ABCA13: variants seen among roughly 807,000 people sequenced by gnomAD.
The protein encoded by ABCA13 is ATP-binding cassette sub-family A member 13.
ABCA13 carries 476 observed loss-of-function variants against 478.7 expected under a neutral mutation model. That is an observed-to-expected ratio of 0.99 (90% CI 0.92 to 1.07). ABCA13 has a LOEUF of 1.07. Ranked by LOEUF, ABCA13 falls within the 50% of genes least tolerant of loss-of-function variation. The pLI, the probability that ABCA13 is intolerant of heterozygous loss-of-function variation, is 0.00. For missense variants in ABCA13, 6,060 were observed against 5,910.6 expected, an observed-to-expected ratio of 1.03 and a Z score of -0.83; for synonymous variants, 2,252 against 2,158.9, an observed-to-expected ratio of 1.04 and a Z score of -1.20.
At chr7:48,335,320 A>G in intron 27 of ABCA13, 102 bp from the exon 28 acceptor site, 1 of 733,328 alleles carries the variant, frequency 1.4e-6, no homozygotes, top group East Asian at 3.0e-5. Flanking sequence ...CTGCAGGCAG[A>G]TCTTTGCTCT....
chr7:48,433,066 T>C (rs778495872), intron 42 of ABCA13, among the ~76,000 whole-genome samples: 3 of 152,008 alleles, frequency 2.0e-5, no homozygotes, highest in Non-Finnish European at 4.4e-5. Flanking sequence ...TTGTATATGA[T>C]AAATATAATT....
intron 56 of ABCA13, among the ~76,000 whole-genome samples, chr7:48,580,824 A>AT (rs146737118): frequency 4.5e-4 from 69 of 152,036 alleles, no homozygotes; most frequent in African/African-American, 1.6e-3. Flanking sequence ...GGGCGGACAG[A>AT]TTCCTCCTGC....
intron 31 of ABCA13, among the ~76,000 whole-genome samples, chr7:48,357,112 G>A (rs1387804074): frequency 6.6e-6 from 1 of 151,802 alleles, no homozygotes; most frequent in African/African-American, 2.4e-5. Context: ...TGTGTCTTGG[G>A]CAAAGTGGAG....
intron 18 of ABCA13, among the ~76,000 whole-genome samples, chr7:48,280,171 CA>C (rs1796844427): frequency 2.6e-5 from 4 of 152,166 alleles, no homozygotes; most frequent in Admixed American, 6.5e-5. Context: ...ATTTTATTCT[CA>C]GAAGCAAAAA....
chr7:48,513,099 T>C (rs4917159), intron 51 of ABCA13, among the ~76,000 whole-genome samples: 73,527 of 152,072 alleles, frequency 0.48, 20,298 homozygotes, highest in African/African-American at 0.76. Flanking sequence ...TCTGGGGAAC[T>C]GCTGTCTCCT....
intron 55 of ABCA13, among the ~76,000 whole-genome samples, chr7:48,563,271 A>G (rs1786658905): frequency 6.6e-6 from 1 of 152,168 alleles, no homozygotes; most frequent in Non-Finnish European, 1.5e-5. Context: ...TCTTCAGCAC[A>G]TTCTTTCCAA....
At chr7:48,570,898 C>G (rs1181234258) in intron 55 of ABCA13, among the ~76,000 whole-genome samples, 3 of 152,024 alleles carry the variant, frequency 2.0e-5, no homozygotes, top group Non-Finnish European at 4.4e-5. Context: ...TTACTGCCAT[C>G]TTTTGTGCTA....
intron 18 of ABCA13, 63 bp downstream of exon 18, chr7:48,279,983 A>G: frequency 1.4e-6 from 2 of 1,423,182 alleles, no homozygotes; most frequent in South Asian, 1.8e-5. Flanking sequence ...AAATAGAACC[A>G]TGCAGGAATT....
chr7:48,363,405 A>G (rs1811188414), intron 31 of ABCA13, among the ~76,000 whole-genome samples: 2 of 152,176 alleles, frequency 1.3e-5, no homozygotes, highest in African/African-American at 4.8e-5. Flanking sequence ...AAATTTTATA[A>G]GAGTATGTTT....
intron 29 of ABCA13, 53 bp from the exon 30 acceptor site, chr7:48,350,590 A>C (rs1364612898): frequency 1.4e-6 from 2 of 1,463,032 alleles, no homozygotes; most frequent in African/African-American, 2.8e-5. Context: ...ATGAGTGGTA[A>C]GCACTGGGGG....
intron 39 of ABCA13, chr7:48,404,316 T>A (rs1027721322): frequency 4.5e-6 from 1 of 220,684 alleles, no homozygotes. Context: ...GTTGAACCTC[T>A]TGTCCATGTT....
At chr7:48,473,658 C>T (rs1827764657) in intron 45 of ABCA13, among the ~76,000 whole-genome samples, 1 of 152,262 alleles carries the variant, frequency 6.6e-6, no homozygotes, top group South Asian at 2.1e-4. Context: ...GGTGGTGGCA[C>T]TCAGCCTAGG....
chr7:48,196,597 GC>G (rs973188139), intron 2 of ABCA13, among the ~76,000 whole-genome samples: 1 of 152,116 alleles, frequency 6.6e-6, no homozygotes, highest in Non-Finnish European at 1.5e-5. Flanking sequence ...ACTAAAAAAT[GC>G]CCATCCCCCT....
chr7:48,246,461 G>A (rs569799235), intron 13 of ABCA13, among the ~76,000 whole-genome samples: 21 of 152,286 alleles, frequency 1.4e-4, no homozygotes, highest in Admixed American at 2.6e-4. Flanking sequence ...CCCCTGTTCA[G>A]CGCTCAAGTG....
intron 3 of ABCA13, among the ~76,000 whole-genome samples, chr7:48,213,861 C>T (rs1403121887): frequency 6.6e-6 from 1 of 152,172 alleles, no homozygotes; most frequent in Non-Finnish European, 1.5e-5. Context: ...ACTCCTCATT[C>T]ATTAGTTTTA....
chr7:48,479,900 C>A (rs1828579658), intron 45 of ABCA13, among the ~76,000 whole-genome samples: 1 of 152,178 alleles, frequency 6.6e-6, no homozygotes, highest in South Asian at 2.1e-4. Context: ...TTTAGGTAAG[C>A]CTGTTTTCAT....
chr7:48,483,854 T>C (rs2130589147), intron 47 of ABCA13, among the ~76,000 whole-genome samples: 1 of 152,276 alleles, frequency 6.6e-6, no homozygotes, highest in South Asian at 2.1e-4. Flanking sequence ...AGAAATAGTA[T>C]TGTGTTTGAT....
intron 43 of ABCA13, among the ~76,000 whole-genome samples, chr7:48,462,079 G>A (rs1353862723): frequency 6.9e-6 from 1 of 144,622 alleles, no homozygotes; most frequent in East Asian, 2.1e-4. Flanking sequence ...TGCTTCTTCT[G>A]AGATAACAGG....
intron 59 of ABCA13, among the ~76,000 whole-genome samples, chr7:48,642,788 C>T (rs1409286373): frequency 6.6e-6 from 1 of 152,136 alleles, no homozygotes; most frequent in African/African-American, 2.4e-5. Context: ...AGTCATAGGG[C>T]CTGTCCACCT....
Sources: gnomAD v4.1 joint callset for allele counts (sites outside exome capture counted in the v4.1 genomes callset) on GRCh38, gnomAD v4.1.1 for gene constraint, MANE v1.5 for transcripts, NCBI Gene and HGNC (gene_info 2026-07-23, HGNC 2026-07-21) for gene names.